Variants in COL25A1 observed in about 807,000 individuals in gnomAD.
COL25A1 encodes collagen type XXV alpha 1 chain, also known as collagen alpha-1(XXV) chain.
COL25A1 carries 103 observed loss-of-function variants against 128.4 expected under a neutral mutation model. That is an observed-to-expected ratio of 0.80 (90% CI 0.68 to 0.94). The LOEUF is 0.94. COL25A1 is among the 40% of genes least tolerant of loss of function. COL25A1 has a pLI of 0.00. For missense variants in COL25A1, 745 were observed against 840.0 expected (o/e 0.89, Z 1.40); for synonymous variants, 279 against 277.2 (o/e 1.01, Z -0.06).
At chr4:108,952,500 C>T (rs1749550342) in intron 8 of COL25A1, among the ~76,000 whole-genome samples, 1 of 152,058 alleles carries the variant, frequency 6.6e-6, no homozygotes, top group Non-Finnish European at 1.5e-5. Flanking sequence ...TGCAATATGC[C>T]TTTGAAATAC....
chr4:109,270,274 C>T (rs935464604), intron 3 of COL25A1, among the ~76,000 whole-genome samples: 2 of 152,152 alleles, frequency 1.3e-5, no homozygotes, highest in African/African-American at 4.8e-5. Context: ...AAGAGGAAGT[C>T]AAATTGTCCC....
intron 18 of COL25A1, among the ~76,000 whole-genome samples, chr4:108,886,467 TGTGTGTGTG>T (rs1740794456): frequency 1.7e-5 from 2 of 120,816 alleles, no homozygotes; most frequent in Admixed American, 9.7e-5. Context: ...TGTGTGTGTG[TGTGTGTGTG>T]TGTGTGTGTG....
chr4:108,937,422 A>C (rs1747554065), intron 11 of COL25A1, among the ~76,000 whole-genome samples: 1 of 152,192 alleles, frequency 6.6e-6, no homozygotes, highest in Middle Eastern at 3.4e-3. Flanking sequence ...ATTCTGAATC[A>C]CTGTGCAAAG....
chr4:109,141,555 A>C (rs1770407244), intron 3 of COL25A1, among the ~76,000 whole-genome samples: 1 of 152,154 alleles, frequency 6.6e-6, no homozygotes, highest in Admixed American at 6.6e-5. Context: ...CTGTGAATCT[A>C]TCTGGTCCTG....
At chr4:109,103,549 C>A (rs910016702) in intron 3 of COL25A1, among the ~76,000 whole-genome samples, 1 of 152,116 alleles carries the variant, frequency 6.6e-6, no homozygotes, top group African/African-American at 2.4e-5. Context: ...TATGTACTTT[C>A]TCTTAAATTG....
At chr4:108,930,647 G>A (rs989974044) in intron 11 of COL25A1, among the ~76,000 whole-genome samples, 1 of 152,212 alleles carries the variant, frequency 6.6e-6, no homozygotes, top group Non-Finnish European at 1.5e-5. Flanking sequence ...AAGGGAAGCA[G>A]GCCAAGGACA....
At chr4:109,263,388 A>G (rs1781576183) in intron 3 of COL25A1, among the ~76,000 whole-genome samples, 4 of 152,186 alleles carry the variant, frequency 2.6e-5, no homozygotes, top group Non-Finnish European at 5.9e-5. Flanking sequence ...AATAATTAAA[A>G]TATTAGAAAA....
chr4:109,089,246 C>T (rs1182158878), intron 3 of COL25A1, among the ~76,000 whole-genome samples: 1 of 152,212 alleles, frequency 6.6e-6, no homozygotes, highest in African/African-American at 2.4e-5. Context: ...TTTAATCATC[C>T]TGGCAAAATG....
chr4:109,187,244 A>ATCTTT (rs60362388), intron 3 of COL25A1, among the ~76,000 whole-genome samples: 99,632 of 150,998 alleles, frequency 0.66, 33,112 homozygotes, highest in East Asian at 0.75. Flanking sequence ...TAACTTTTCC[A>ATCTTT]TCTTCTTCTC....
intron 11 of COL25A1, among the ~76,000 whole-genome samples, chr4:108,930,339 C>T: frequency 6.6e-6 from 1 of 152,124 alleles, no homozygotes; most frequent in Admixed American, 6.6e-5. Flanking sequence ...ACATACCCTC[C>T]ACCCTCAGCC....
intron 8 of COL25A1, among the ~76,000 whole-genome samples, chr4:108,971,306 A>G (rs779269364): frequency 3.3e-5 from 5 of 152,178 alleles, no homozygotes; most frequent in African/African-American, 1.2e-4. Flanking sequence ...TCACTATTCT[A>G]TGTGAAGGGG....
intron 32 of COL25A1, among the ~76,000 whole-genome samples, chr4:108,831,108 T>C (rs1349182097): frequency 8.9e-6 from 1 of 112,382 alleles, no homozygotes; most frequent in African/African-American, 3.4e-5. Context: ...CCTTCATGCA[T>C]TTTTTTTTCT....
intron 3 of COL25A1, among the ~76,000 whole-genome samples, chr4:109,189,334 G>A (rs1366855478): frequency 7.9e-5 from 12 of 151,938 alleles, no homozygotes; most frequent in Non-Finnish European, 1.2e-4. Context: ...GATCACTTGA[G>A]GTCAGGAGTT....
intron 6 of COL25A1, among the ~76,000 whole-genome samples, chr4:108,994,980 C>T (rs758829396): frequency 6.6e-6 from 1 of 152,064 alleles, no homozygotes; most frequent in Non-Finnish European, 1.5e-5. Context: ...CATCAAAGAC[C>T]AAAGGTAGAT....
chr4:109,252,120 T>C (rs555527473), intron 3 of COL25A1, among the ~76,000 whole-genome samples: 170 of 152,362 alleles, frequency 1.1e-3, no homozygotes, highest in African/African-American at 4.0e-3. Context: ...TATAAGTCCA[T>C]GGATGGTAGT....
At chr4:109,197,410 T>TATATTATATATTATATATAA (rs1436282990) in intron 3 of COL25A1, among the ~76,000 whole-genome samples, 1 of 126,362 alleles carries the variant, frequency 7.9e-6, no homozygotes, top group Non-Finnish European at 1.6e-5. Flanking sequence ...ATATAAAATA[T>TATATTATATATTATATATAA]ATATTATATA....
At chr4:108,928,139 A>G (rs1746287390) in intron 11 of COL25A1, among the ~76,000 whole-genome samples, 2 of 152,218 alleles carry the variant, frequency 1.3e-5, no homozygotes, top group African/African-American at 4.8e-5. Flanking sequence ...TAAAGGAAAC[A>G]AATTTATGGT....
chr4:108,982,198 AAC>A (rs376800689), intron 6 of COL25A1, among the ~76,000 whole-genome samples: 1 of 152,150 alleles, frequency 6.6e-6, no homozygotes, highest in Non-Finnish European at 1.5e-5. Flanking sequence ...TGTCTCAAAA[AAC>A]ACACACACAC....
At chr4:108,902,268 T>G (rs1253377328) in intron 13 of COL25A1, among the ~76,000 whole-genome samples, 1 of 152,022 alleles carries the variant, frequency 6.6e-6, no homozygotes, top group Non-Finnish European at 1.5e-5. Context: ...ATCTTTATAT[T>G]CATTGACTCA....
Sources: gnomAD v4.1 joint callset for allele counts (sites outside exome capture counted in the v4.1 genomes callset) on GRCh38, gnomAD v4.1.1 for gene constraint, MANE v1.5 for transcripts, NCBI Gene and HGNC (gene_info 2026-07-23, HGNC 2026-07-21) for gene names.